CDC14B: variants seen among roughly 807,000 people sequenced by gnomAD.
CDC14B encodes cell division cycle 14B.
In CDC14B, 22 loss-of-function variants were observed where a neutral mutation model predicts 64.2. That is an observed-to-expected ratio of 0.34 (90% CI 0.24 to 0.49). The LOEUF is 0.49. CDC14B is among the 20% of genes least tolerant of loss of function. The pLI is 0.99. For synonymous variants in CDC14B, 191 were observed against 215.8 expected (o/e 0.89, Z 1.01); for missense variants, 498 against 629.9 (o/e 0.79, Z 2.24).
intron 1 of CDC14B, among the ~76,000 whole-genome samples, chr9:96,602,267 G>A (rs1325011254): frequency 6.6e-6 from 1 of 152,080 alleles, no homozygotes; most frequent in Non-Finnish European, 1.5e-5. Flanking sequence ...ATACTGAGAA[G>A]ATGCTGCTCA....
At chr9:96,569,689 G>C (rs1218775894) in intron 1 of CDC14B, among the ~76,000 whole-genome samples, 7 of 151,842 alleles carry the variant, frequency 4.6e-5, no homozygotes, top group Admixed American at 4.6e-4. Context: ...CAGTGGTGCA[G>C]TCTTGGCTCA....
chr9:96,581,723 G>T (rs1845170972), intron 1 of CDC14B, among the ~76,000 whole-genome samples: 2 of 152,044 alleles, frequency 1.3e-5, no homozygotes, highest in Non-Finnish European at 2.9e-5. Context: ...TGGGGAGTGA[G>T]GGAAGGATGA....
At chr9:96,579,533 C>A (rs555378870) in intron 1 of CDC14B, among the ~76,000 whole-genome samples, 1 of 151,632 alleles carries the variant, frequency 6.6e-6, no homozygotes, top group Admixed American at 6.6e-5. Context: ...TTGCAGTGAG[C>A]CAAAATCACG....
intron 5 of CDC14B, among the ~76,000 whole-genome samples, chr9:96,543,351 A>T (rs1840357654): frequency 6.6e-6 from 1 of 152,132 alleles, no homozygotes; most frequent in South Asian, 2.1e-4. Flanking sequence ...AAAAAAAAAA[A>T]AACTTCTAGC....
At chr9:96,563,239 T>C (rs1843454389) in intron 3 of CDC14B, among the ~76,000 whole-genome samples, 1 of 152,202 alleles carries the variant, frequency 6.6e-6, no homozygotes, top group South Asian at 2.1e-4. Context: ...AGGGCTGCTA[T>C]GGGGTGCCGC....
chr9:96,605,388 G>T (rs575356158), intron 1 of CDC14B, among the ~76,000 whole-genome samples: 173 of 152,214 alleles, frequency 1.1e-3, no homozygotes, highest in African/African-American at 3.9e-3. Flanking sequence ...ACAAGCAGGG[G>T]TAAGTGACTG....
At chr9:96,494,713 C>CT (rs35289143) in intron 13 of CDC14B, among the ~76,000 whole-genome samples, 5 of 151,596 alleles carry the variant, frequency 3.3e-5, no homozygotes, top group Admixed American at 6.6e-5. Context: ...TTCTTTCTTT[C>CT]TTCCTTTCCT....
intron 1 of CDC14B, among the ~76,000 whole-genome samples, chr9:96,584,117 C>A (rs970489111): frequency 2.6e-5 from 4 of 152,200 alleles, no homozygotes; most frequent in African/African-American, 9.7e-5. Context: ...AGAGTACCCA[C>A]AAAATGCAAG....
intron 3 of CDC14B, 74 bp downstream of exon 3, chr9:96,564,703 G>A: frequency 2.4e-6 from 2 of 832,592 alleles, no homozygotes; most frequent in Non-Finnish European, 3.8e-6. Context: ...TTTTTAAAAA[G>A]AGATGTTTTC....
chr9:96,608,505 C>T (rs1056245690), intron 1 of CDC14B, among the ~76,000 whole-genome samples: 6 of 152,124 alleles, frequency 3.9e-5, no homozygotes, highest in Non-Finnish European at 2.9e-5. Context: ...ATTATACATT[C>T]ATGTCAAAGC....
At chr9:96,589,194 C>T (rs4743044) in intron 1 of CDC14B, among the ~76,000 whole-genome samples, 101,026 of 151,938 alleles carry the variant, frequency 0.66, 36,077 homozygotes, top group East Asian at 0.95. Flanking sequence ...AAAAAATTAG[C>T]TGGGCGTGGT....
chr9:96,551,467 T>C (rs1056262741), intron 5 of CDC14B, among the ~76,000 whole-genome samples: 4 of 151,960 alleles, frequency 2.6e-5, no homozygotes, highest in African/African-American at 9.7e-5. Context: ...CGTAGGGAGA[T>C]TTTGCTCTCC....
At chr9:96,496,355 C>T (rs898653559), downstream of CDC14B, 2 of 513,928 alleles carry the variant, frequency 3.9e-6, no homozygotes, top group Non-Finnish European at 7.8e-6. Context: ...GACAGCCAAC[C>T]ATCGCTGGAA....
intron 1 of CDC14B, among the ~76,000 whole-genome samples, chr9:96,602,015 C>T (rs550038686): frequency 4.6e-5 from 7 of 151,994 alleles, no homozygotes; most frequent in South Asian, 2.1e-4. Context: ...GCCAGGATCG[C>T]GCCACTGCAC....
At chr9:96,542,846 T>C (rs1438906237) in intron 5 of CDC14B, among the ~76,000 whole-genome samples, 1 of 151,304 alleles carries the variant, frequency 6.6e-6, no homozygotes, top group Non-Finnish European at 1.5e-5. Flanking sequence ...CTGTCTCTAC[T>C]AAAAATACAA....
intron 3 of CDC14B, among the ~76,000 whole-genome samples, chr9:96,564,157 A>C (rs540013903): frequency 6.6e-6 from 1 of 152,196 alleles, no homozygotes; most frequent in African/African-American, 2.4e-5. Flanking sequence ...CAGTACATAC[A>C]TAACTTCCTA....
intron 4 of CDC14B, among the ~76,000 whole-genome samples, chr9:96,553,346 C>CTTTCT (rs1371245651): frequency 4.7e-5 from 7 of 149,210 alleles, no homozygotes; most frequent in East Asian, 2.0e-4. Flanking sequence ...GTTTCTGTTT[C>CTTTCT]TTTCTTTTCT....
intron 1 of CDC14B, among the ~76,000 whole-genome samples, chr9:96,595,466 A>G (rs1846016699): frequency 2.6e-5 from 4 of 152,228 alleles, no homozygotes; most frequent in Non-Finnish European, 4.4e-5. Flanking sequence ...TCCATTCCAT[A>G]TATCGGTAAG....
Position 96,546,436 on chromosome 9 carries a change from A to AT in CDC14B, c.498-4545dup, listed in dbSNP as rs111518660. On this transcript the variant is annotated intron_variant, in intron 5 of 13. Transcript: ENST00000375241. ...GGGAGGGAAATCTAGGAGACAGAGA[A>AT]TTTTTTTTTTTTTTTGCGGGGAGTG... 3.8e-3 allele frequency among the ~76,000 whole-genome samples: 520 copies of AT among 138,078 alleles called. 2 individuals carry two copies. Among genetic ancestry groups the AT allele is most frequent in the Middle Eastern group, 0.011 (3 of 268 alleles). The allele number at this position is 138,078 out of a possible 152,430, so 90.6% of individuals were successfully genotyped here.
Sources: gnomAD v4.1 joint callset for allele counts (sites outside exome capture counted in the v4.1 genomes callset) on GRCh38, gnomAD v4.1.1 for gene constraint, MANE v1.5 for transcripts, NCBI Gene and HGNC (gene_info 2026-07-23, HGNC 2026-07-21) for gene names.